Variants in DSCAM observed in about 807,000 individuals in gnomAD.
The protein encoded by DSCAM is DS cell adhesion molecule.
Under a neutral mutation model 217.7 loss-of-function variants are expected in DSCAM, and 47 were observed. That is an observed-to-expected ratio of 0.22 (90% CI 0.17 to 0.28). DSCAM has a LOEUF of 0.28. Ranked by LOEUF, DSCAM falls within the 10% of genes least tolerant of loss-of-function variation. The pLI, the probability that DSCAM is intolerant of heterozygous loss-of-function variation, is 1.00. For missense variants in DSCAM, 2,080 were observed against 2,618.3 expected, an observed-to-expected ratio of 0.79 and a Z score of 4.49; for synonymous variants, 1,056 against 1,015.3, an observed-to-expected ratio of 1.04 and a Z score of -0.76.
chr21:40,280,468 C>T (rs2073745933), intron 10 of DSCAM, among the ~76,000 whole-genome samples: 1 of 151,982 alleles, frequency 6.6e-6, no homozygotes, highest in Non-Finnish European at 1.5e-5. Flanking sequence ...GGAAAATAGG[C>T]ACGAGCCATT....
rs1184083032 is a variant in DSCAM at position 40,803,798 on chromosome 21, CT to C, written c.43+42820del. Among the ~76,000 whole-genome samples the C allele has an allele frequency of 3.9e-5, 6 of 152,204 alleles. No individual in the cohort carries two copies. The South Asian group carries it at 1.0e-3, about 26-fold the overall frequency. The stretch of plus-strand genomic sequence containing the variant: ...GGGGAAAAAAAAAACACCTTTATAC[CT>C]GTGTCTGGACCGTTGAGTGTTGTTG... On this transcript the variant is annotated intron_variant, in intron 1 of 32. Coordinates refer to ENST00000400454, the MANE Select transcript of DSCAM (RefSeq NM_001389.5).
intron 11 of DSCAM, among the ~76,000 whole-genome samples, chr21:40,265,393 G>T (rs1006446586): frequency 4.6e-5 from 7 of 151,838 alleles, no homozygotes; most frequent in African/African-American, 1.7e-4. Flanking sequence ...TAGATTGAAA[G>T]AATCGGTATT....
intron 10 of DSCAM, among the ~76,000 whole-genome samples, chr21:40,293,153 A>T (rs1043605130): frequency 1.3e-5 from 2 of 152,212 alleles, no homozygotes; most frequent in Admixed American, 6.5e-5. Flanking sequence ...TAGGAAAATA[A>T]CACACATTAT....
chr21:40,345,250 G>A (rs907355327), intron 6 of DSCAM, among the ~76,000 whole-genome samples: 5 of 151,894 alleles, frequency 3.3e-5, no homozygotes, highest in East Asian at 1.9e-4. Context: ...TGTTTCTATC[G>A]TTTGCTTTGT....
rs1273444005 is a variant in DSCAM, at chr21:40,594,838, A to G, written c.508+97972T>C. On this transcript the variant is annotated intron_variant, in intron 3 of 32. Coordinates refer to ENST00000400454, the MANE Select transcript of DSCAM (RefSeq NM_001389.5). ...GAGGGGAGGCTGATGCCAAGACAGT[A>G]ACCTCAGTCTTTGTAGAGGGAACCC... Among the ~76,000 whole-genome samples the G allele has an allele frequency of 7.9e-5, 12 of 152,322 alleles. No homozygotes were observed. In the East Asian group the frequency reaches 2.1e-3, roughly 27 times the overall value.
chr21:40,449,064 CT>C (rs975282818), intron 3 of DSCAM, among the ~76,000 whole-genome samples: 2 of 152,080 alleles, frequency 1.3e-5, no homozygotes, highest in Non-Finnish European at 2.9e-5. Context: ...GCTTGTGGCC[CT>C]TTTCCCCATC....
intron 15 of DSCAM, among the ~76,000 whole-genome samples, chr21:40,175,753 C>T (rs2090717447): frequency 7.0e-6 from 1 of 142,042 alleles, no homozygotes; most frequent in Admixed American, 7.2e-5. Flanking sequence ...TGGGTTTAAT[C>T]CAGCATATAT....
intron 11 of DSCAM, among the ~76,000 whole-genome samples, chr21:40,268,641 A>G (rs2073573048): frequency 6.6e-6 from 1 of 152,068 alleles, no homozygotes; most frequent in African/African-American, 2.4e-5. Flanking sequence ...GAAACATAAG[A>G]TTTTTACTGG....
intron 1 of DSCAM, among the ~76,000 whole-genome samples, chr21:40,725,391 G>T (rs2090944798): frequency 1.3e-5 from 2 of 152,094 alleles, no homozygotes; most frequent in Admixed American, 1.3e-4. Context: ...CAGGTATGAG[G>T]TACTCTTCTA....
intron 3 of DSCAM, among the ~76,000 whole-genome samples, chr21:40,675,014 A>AACACACAC (rs375640720): frequency 0.039 from 4,990 of 129,120 alleles, 266 homozygotes; most frequent in African/African-American, 0.12. Flanking sequence ...TCATTATATA[A>AACACACAC]ACACACACAC....
At chr21:40,527,750 T>C (rs754610372) in intron 3 of DSCAM, among the ~76,000 whole-genome samples, 2 of 152,240 alleles carry the variant, frequency 1.3e-5, no homozygotes, top group African/African-American at 4.8e-5. Context: ...AGTATAATTA[T>C]ATTGCAGTGC....
chr21:40,205,728 T>A (rs1455090407), intron 11 of DSCAM, among the ~76,000 whole-genome samples: 1 of 152,116 alleles, frequency 6.6e-6, no homozygotes, highest in East Asian at 1.9e-4. Context: ...TCCTTGATCA[T>A]GTCCCCAATT....
chr21:40,453,766 TACAA>T (rs1324975412), intron 3 of DSCAM, among the ~76,000 whole-genome samples: 1 of 152,222 alleles, frequency 6.6e-6, no homozygotes, highest in Admixed American at 6.5e-5. Context: ...TTATATAAAG[TACAA>T]ACAGTCCCTG....
intron 11 of DSCAM, among the ~76,000 whole-genome samples, chr21:40,203,546 G>A (rs2091093491): frequency 6.6e-6 from 1 of 152,232 alleles, no homozygotes; most frequent in Admixed American, 6.5e-5. Flanking sequence ...GGAATCAGCA[G>A]AGCTAACTTT....
chr21:40,771,485 T>C (rs2091444560), intron 1 of DSCAM, among the ~76,000 whole-genome samples: 1 of 152,186 alleles, frequency 6.6e-6, no homozygotes, highest in South Asian at 2.1e-4. Flanking sequence ...CTTCAGACTG[T>C]GAGCAATTTC....
intron 10 of DSCAM, among the ~76,000 whole-genome samples, chr21:40,283,868 T>A (rs540886430): frequency 4.6e-4 from 70 of 152,278 alleles, no homozygotes; most frequent in Non-Finnish European, 9.3e-4. Flanking sequence ...GGTCCCCTTG[T>A]AGGGTGAAAT....
chr21:40,506,727 T>C (rs1480784141), intron 3 of DSCAM, among the ~76,000 whole-genome samples: 2 of 152,186 alleles, frequency 1.3e-5, no homozygotes, highest in Non-Finnish European at 2.9e-5. Context: ...ACTAGGTATA[T>C]CCAGGAAGAA....
chr21:40,628,940 G>T (rs2089643139), intron 3 of DSCAM, among the ~76,000 whole-genome samples: 1 of 152,034 alleles, frequency 6.6e-6, no homozygotes. Context: ...GAGAGATGGG[G>T]TTTGACATGT....
intron 3 of DSCAM, among the ~76,000 whole-genome samples, chr21:40,605,334 T>C (rs1568933351): frequency 6.6e-6 from 1 of 152,142 alleles, no homozygotes; most frequent in African/African-American, 2.4e-5. Flanking sequence ...GTGACCTCAA[T>C]CCTCTGATGA....
Sources: allele counts gnomAD v4.1 joint callset (sites outside exome capture counted in the v4.1 genomes callset), GRCh38; gene constraint gnomAD v4.1.1; transcripts MANE v1.5; gene names NCBI Gene and HGNC (gene_info 2026-07-23, HGNC 2026-07-21).